The following CEP83 variants were observed in gnomAD, a reference collection of about 807,000 sequenced individuals.
The protein encoded by CEP83 is centrosomal protein 83.
A neutral mutation model predicts 101.9 loss-of-function variants in CEP83; 70 were observed. The observed-to-expected ratio is 0.69, with a 90% confidence interval of 0.57 to 0.84. The LOEUF (loss-of-function observed/expected upper bound fraction) is 0.84, where lower values mean the gene tolerates loss of function less well. Ranked by LOEUF, CEP83 falls within the 40% of genes least tolerant of loss-of-function variation. The probability of loss-of-function intolerance (pLI) is 0.00; values close to 1 mark genes in which losing one functional copy is unlikely to be tolerated. For synonymous variants in CEP83, 264 were observed against 267.9 expected, an observed-to-expected ratio of 0.99 and a Z score of 0.14; for missense variants, 715 against 787.2, an observed-to-expected ratio of 0.91 and a Z score of 1.10.
At chr12:94,425,974 T>C (rs566530249) in intron 2 of CEP83, among the ~76,000 whole-genome samples, 97 of 151,986 alleles carry the variant, frequency 6.4e-4, no homozygotes, top group African/African-American at 2.3e-3. Context: ...CAAAAAAAAT[T>C]AGCTGGGCGT....
the CEP83 span, among the ~76,000 whole-genome samples, chr12:94,297,678 A>C: frequency 6.6e-6 from 1 of 152,054 alleles, no homozygotes; most frequent in African/African-American, 2.4e-5. Context: ...CTCTTTCTCC[A>C]CCATTTCACT....
intron 14 of CEP83, among the ~76,000 whole-genome samples, chr12:94,313,408 G>A (rs1015219987): frequency 1.3e-5 from 2 of 151,830 alleles, no homozygotes; most frequent in Non-Finnish European, 2.9e-5. Context: ...AGTGGCTCAT[G>A]CCTGTAATCC....
chr12:94,394,826 C>G (rs2062781765), intron 6 of CEP83, among the ~76,000 whole-genome samples: 1 of 152,208 alleles, frequency 6.6e-6, no homozygotes, highest in African/African-American at 2.4e-5. Flanking sequence ...TGAACAGACA[C>G]TTCTCAAAAG....
chr12:94,408,000 T>C (rs1024729415), intron 4 of CEP83: 2 of 152,230 alleles, frequency 1.3e-5, no homozygotes, highest in East Asian at 1.9e-4. Flanking sequence ...GTATTTTCAA[T>C]GGAGACAGGG....
chr12:94,351,072 G>A (rs1447442545), intron 11 of CEP83, among the ~76,000 whole-genome samples: 2 of 151,620 alleles, frequency 1.3e-5, no homozygotes, highest in African/African-American at 2.4e-5. Flanking sequence ...GAATTCACAT[G>A]AAAGAGAAAA....
At chr12:94,452,866 A>C (rs981288008) in intron 1 of CEP83, among the ~76,000 whole-genome samples, 1 of 152,192 alleles carries the variant, frequency 6.6e-6, no homozygotes, top group African/African-American at 2.4e-5. Flanking sequence ...GGACCAAAAA[A>C]TTAAGTAACT....
rs377096600 is a variant in CEP83 at position 94,403,129 on chromosome 12, C to T, written c.417+41G>A. 1.0e-4 allele frequency: 102 copies of T among 999,108 alleles called. No individual in the cohort carries two copies. The Middle Eastern group carries it at 2.5e-3, about 24-fold the overall frequency. The allele number at this position is 999,108 out of a possible 1,614,324, so 61.9% of individuals were successfully genotyped here. ...GATGCTTTTCATCAAGACTTTGATC[C>T]CATGAGGATAAATGCATAGTAAACA... On this transcript the variant is annotated intron_variant, in intron 5 of 16. Transcript: ENST00000397809.
At chr12:94,274,191 A>T in the CEP83 span, among the ~76,000 whole-genome samples, 3 of 134,660 alleles carry the variant, frequency 2.2e-5, no homozygotes, top group African/African-American at 8.1e-5. Context: ...AAAAAAATTT[A>T]GCCAAGCATG....
At chr12:94,298,253 C>T in the CEP83 span, among the ~76,000 whole-genome samples, 1 of 152,186 alleles carries the variant, frequency 6.6e-6, no homozygotes, top group Non-Finnish European at 1.5e-5. Flanking sequence ...ATTCTGGGAA[C>T]AGAGCAGCAT....
chr12:94,370,566 T>C (rs757016819), intron 8 of CEP83, among the ~76,000 whole-genome samples: 2 of 152,100 alleles, frequency 1.3e-5, no homozygotes, highest in African/African-American at 2.4e-5. Flanking sequence ...TTTGTAGCAA[T>C]AGGGTCTTGC....
chr12:94,349,113 C>A (rs2060082358), intron 11 of CEP83, among the ~76,000 whole-genome samples: 1 of 151,868 alleles, frequency 6.6e-6, no homozygotes, highest in Admixed American at 6.6e-5. Context: ...TAGTGAAACA[C>A]CGTCTCTACT....
In CEP83 at chr12:94,348,609, G is replaced by A. The variant is rs973146113; in HGVS notation, c.1344-12945C>T. 1.3e-5 allele frequency among the ~76,000 whole-genome samples: 2 copies of A among 152,002 alleles called. 1 individual carries two copies. Among genetic ancestry groups the A allele is most frequent in the Admixed American group, 1.3e-4 (2 of 15,254 alleles). On this transcript the variant is annotated intron_variant, in intron 11 of 16. Transcript: ENST00000397809. Reference sequence around the variant, plus strand: ...GAGAAGAAGCTCCAGAGCACTTCCCGAAGCCAAACTTGTGCCAAAAAGGCT... The same window carrying A: ...GAGAAGAAGCTCCAGAGCACTTCCCAAAGCCAAACTTGTGCCAAAAAGGCT...
At chr12:94,300,478 G>A in the CEP83 span, among the ~76,000 whole-genome samples, 54 of 152,302 alleles carry the variant, frequency 3.5e-4, no homozygotes, top group African/African-American at 1.3e-3. Flanking sequence ...GGAGCAGTGG[G>A]ATAGGAGGGC....
At chr12:94,312,300 G>A (rs1593072909) in intron 15 of CEP83, among the ~76,000 whole-genome samples, 2 of 152,084 alleles carry the variant, frequency 1.3e-5, no homozygotes, top group African/African-American at 4.8e-5. Flanking sequence ...ATCATAAAAC[G>A]TCACTGCATG....
chr12:94,325,384 G>C (rs2136418821), intron 14 of CEP83, among the ~76,000 whole-genome samples: 1 of 152,122 alleles, frequency 6.6e-6, no homozygotes, highest in East Asian at 1.9e-4. Context: ...TGTTGGCCAG[G>C]CTGGTCTCAA....
chr12:94,457,902 C>T (rs1447844582), intron 1 of CEP83, among the ~76,000 whole-genome samples: 1 of 152,166 alleles, frequency 6.6e-6, no homozygotes. Flanking sequence ...GGATTAAAAA[C>T]TACCTGTGAA....
intron 2 of CEP83, chr12:94,424,123 G>A (rs1287154512): frequency 1.4e-5 from 22 of 1,605,106 alleles, no homozygotes; most frequent in Non-Finnish European, 1.9e-5. Flanking sequence ...GAGAGGAAAG[G>A]TATGGGGAGA....
At chr12:94,340,574 C>A (rs1019263797) in intron 11 of CEP83, among the ~76,000 whole-genome samples, 2 of 151,978 alleles carry the variant, frequency 1.3e-5, no homozygotes, top group Non-Finnish European at 2.9e-5. Flanking sequence ...GTAGCTGGGA[C>A]TATAGGTGGC....
intron 1 of CEP83, among the ~76,000 whole-genome samples, chr12:94,452,392 C>G (rs1420885474): frequency 2.0e-5 from 3 of 152,088 alleles, no homozygotes; most frequent in Non-Finnish European, 2.9e-5. Flanking sequence ...AAGAAGTTAT[C>G]TCTTCCAAAC....
Sources: gnomAD v4.1 joint callset for allele counts (sites outside exome capture counted in the v4.1 genomes callset) on GRCh38, gnomAD v4.1.1 for gene constraint, MANE v1.5 for transcripts, NCBI Gene and HGNC (gene_info 2026-07-23, HGNC 2026-07-21) for gene names.